The following HHIPL1 variants were observed in gnomAD, a reference collection of about 807,000 sequenced individuals.
HHIPL1 encodes HHIP-like protein 1.
A neutral mutation model predicts 61.8 loss-of-function variants in HHIPL1; 43 were observed. That is an observed-to-expected ratio of 0.70 (90% CI 0.55 to 0.90). The LOEUF (loss-of-function observed/expected upper bound fraction) is 0.90, where lower values mean the gene tolerates loss of function less well. Ranked by LOEUF, HHIPL1 falls within the 40% of genes least tolerant of loss-of-function variation. The pLI is 0.00. For synonymous variants in HHIPL1, 482 were observed against 515.8 expected (o/e 0.93, Z 0.89); for missense variants, 1,056 against 1,157.7 (o/e 0.91, Z 1.28).
In HHIPL1 at chr14:99,676,393, G is replaced by A. The variant is rs1247937879; in HGVS notation, c.*767G>A. ...TGGGACCAGCCTCCTCCAACCCTGA[G>A]GCCTGATTCTCTCTTGCTCTTGGGG... On this transcript the variant is annotated 3_prime_UTR_variant, in exon 9 of 9. Transcript: ENST00000330710. 1 of 152,390 alleles carries A rather than the reference G, an allele frequency of 6.6e-6. No homozygotes were observed. The highest frequency in any genetic ancestry group is 2.4e-5 in the African/African-American group (1 of 41,464). 9.4% of individuals were successfully genotyped at this position (152,390 alleles called of 1,614,324 possible). A position where few individuals can be genotyped will look rare whatever the true frequency, so the allele number is the denominator to read the frequency against.
chr14:99,637,038 AGAAAGAAAGAAG>A, the HHIPL1 span, among the ~76,000 whole-genome samples: 59 of 130,344 alleles, frequency 4.5e-4, 1 homozygote, highest in African/African-American at 9.8e-4. Flanking sequence ...AAAGAAAGAA[AGAAAGAAAGAAG>A]GAAGGAAGGA....
chr14:99,660,700 A>G lies in HHIPL1; in HGVS notation c.1502+294A>G, dbSNP rs1595161009. 6.6e-6 allele frequency among the ~76,000 whole-genome samples: 1 copy of G among 152,316 alleles called. No individual in the cohort carries two copies. The highest frequency in any genetic ancestry group is 1.9e-4 in the East Asian group (1 of 5,184). Reference sequence around the variant, plus strand: ...CGTGGTCTTCCTCTCCCTCCTGAGAACCATGGGCTCTGGGCCTGACAGCAG... The same window carrying G: ...CGTGGTCTTCCTCTCCCTCCTGAGAGCCATGGGCTCTGGGCCTGACAGCAG... On this transcript the variant is annotated intron_variant, in intron 5 of 8. Coordinates refer to ENST00000330710, the MANE Select transcript of HHIPL1 (RefSeq NM_001127258.3). The surrounding 1 kb of genome is among the most constrained non-coding windows in gnomAD (Gnocchi z 4.9).
chr14:99,656,324 C>T (rs1383215284), intron 2 of HHIPL1, among the ~76,000 whole-genome samples: 1 of 152,192 alleles, frequency 6.6e-6, no homozygotes, highest in Non-Finnish European at 1.5e-5. Flanking sequence ...GACTTGAGTT[C>T]TAATCCCAGC....
chr14:99,674,561 T>C (rs574620573), intron 8 of HHIPL1, among the ~76,000 whole-genome samples: 21 of 152,244 alleles, frequency 1.4e-4, no homozygotes, highest in Non-Finnish European at 2.4e-4. Flanking sequence ...TCCCTGTGTG[T>C]ATCCCGTTCC....
At chr14:99,642,313 T>C (rs1033140483), upstream of HHIPL1, among the ~76,000 whole-genome samples, 7 of 152,194 alleles carry the variant, frequency 4.6e-5, no homozygotes, top group Non-Finnish European at 1.0e-4. Context: ...TTTCAAGTTA[T>C]CTGTATTTAC....
chr14:99,637,238 A>AAG, the HHIPL1 span, among the ~76,000 whole-genome samples: 1 of 149,124 alleles, frequency 6.7e-6, no homozygotes, highest in Non-Finnish European at 1.5e-5. Flanking sequence ...GAAAGAAAGA[A>AAG]AGAAAGAAAG....
Position 99,659,678 on chromosome 14 carries a change from C to G in HHIPL1, c.1297C>G (p.Arg433Gly), listed in dbSNP as rs1329660430. 9 of 1,533,900 alleles carry G rather than the reference C, an allele frequency of 5.9e-6. No individual in the cohort carries two copies. The highest frequency in any genetic ancestry group is 7.9e-6 in the Non-Finnish European group (9 of 1,145,334). ...NKFEEVDVVE[R>G]GGNYGWRARE... ...GTTCGAGGAGGTGGACGTGGTGGAG[C>G]GCGGCGGCAACTATGGCTGGCGCGC... Residue 433 changes from arginine (R) to glycine (G), a missense_variant, in exon 4 of 9, where the codon CGC becomes GGC. Transcript: ENST00000330710.
chr14:99,652,814 C>T lies in HHIPL1; in HGVS notation c.846C>T (p.Ile282=). The change falls in exon 2 of 9, where the codon ATC becomes ATT. Residue 282 remains isoleucine, a synonymous_variant. Coordinates refer to ENST00000330710, the MANE Select transcript of HHIPL1 (RefSeq NM_001127258.3). ...VGIRSSEWIR[I]SEFRVSEDDE... is the part of the protein sequence containing the mutation. ...TCCGCAGCAGTGAGTGGATCCGCAT[C>T]AGCGAGTTCAGAGTCTCCGAGGATG... The T allele has an allele frequency of 6.2e-7, 1 of 1,614,156 alleles. No homozygotes were observed. Among genetic ancestry groups the T allele is most frequent in the South Asian group, 1.1e-5 (1 of 91,084 alleles).
chr14:99,614,825 T>G, the HHIPL1 span, among the ~76,000 whole-genome samples: 1 of 152,202 alleles, frequency 6.6e-6, no homozygotes, highest in Non-Finnish European at 1.5e-5. Context: ...GTTCACTTAA[T>G]GCCCTGATTT....
intron 6 of HHIPL1, among the ~76,000 whole-genome samples, chr14:99,666,786 G>C (rs1169922558): frequency 6.6e-6 from 1 of 152,204 alleles, no homozygotes; most frequent in Admixed American, 6.5e-5. Flanking sequence ...ATCACCATGT[G>C]TGCCTACAGC....
chr14:99,633,746 G>A, the HHIPL1 span, among the ~76,000 whole-genome samples: 13 of 152,206 alleles, frequency 8.5e-5, no homozygotes, highest in African/African-American at 2.9e-4. Context: ...GCTGGAGCAG[G>A]AGAGCAGGCA....
At chr14:99,634,972 C>T in the HHIPL1 span, among the ~76,000 whole-genome samples, 348 of 152,310 alleles carry the variant, frequency 2.3e-3, 2 homozygotes, top group Middle Eastern at 0.024. Context: ...CTGTCAGCAA[C>T]GTGAGGTTGG....
At position 99,660,314 on chromosome 14, in the gene HHIPL1, G is replaced by A. The variant is rs756350999; in HGVS notation, c.1410G>A (p.Thr470=). The change falls in exon 5 of 9, where the codon ACG becomes ACA. Residue 470 remains threonine (T), a synonymous_variant. Transcript: ENST00000330710. This position sits in a 1 kb window ranked among gnomAD's most constrained non-coding sequence, Gnocchi z 4.9. The part of the protein sequence containing the change: ...DLLPIFAYPH[T]VGKSVTGGYV... The stretch of plus-strand genomic sequence containing the variant: ...TGCCGATTTTCGCCTACCCGCACAC[G>A]GTTGGCAAGTCGGTCACAGGGGGCT... 10 of 1,613,922 alleles carry A rather than the reference G, an allele frequency of 6.2e-6. No individual in the cohort carries two copies. In the Admixed American group the frequency reaches 1.5e-4, roughly 24 times the overall value.
rs756350999 is a variant in HHIPL1, at chr14:99,660,314, G to T, written c.1410G>T (p.Thr470=). The change falls in exon 5 of 9, where the codon ACG becomes ACT. Residue 470 remains threonine (T), a synonymous_variant. Transcript: ENST00000330710. This position sits in a 1 kb window ranked among gnomAD's most constrained non-coding sequence, Gnocchi z 4.9. ...TGCCGATTTTCGCCTACCCGCACACGGTTGGCAAGTCGGTCACAGGGGGCT... is the reference window on the plus strand; with the variant it reads ...TGCCGATTTTCGCCTACCCGCACACTGTTGGCAAGTCGGTCACAGGGGGCT... The part of the protein sequence containing the change: ...DLLPIFAYPH[T]VGKSVTGGYV... 6.2e-7 allele frequency: 1 copy of T among 1,614,040 alleles called. No homozygotes were observed. Among genetic ancestry groups the T allele is most frequent in the East Asian group, 2.2e-5 (1 of 44,852 alleles).
At chr14:99,611,015 T>A in the HHIPL1 span, among the ~76,000 whole-genome samples, 13 of 152,326 alleles carry the variant, frequency 8.5e-5, no homozygotes, top group African/African-American at 3.1e-4. Context: ...TCCCCCACTT[T>A]AAAAACTAAA....
At chr14:99,636,118 C>T in the HHIPL1 span, among the ~76,000 whole-genome samples, 3 of 152,194 alleles carry the variant, frequency 2.0e-5, no homozygotes, top group African/African-American at 4.8e-5. Context: ...CTGTTGTCAC[C>T]TCTCTGTGCT....
At chr14:99,622,717 A>G in the HHIPL1 span, among the ~76,000 whole-genome samples, 1 of 152,110 alleles carries the variant, frequency 6.6e-6, no homozygotes, top group Non-Finnish European at 1.5e-5. Flanking sequence ...CCCAGGGTGG[A>G]GCCCCTGCAG....
At chr14:99,654,205 A>G (rs188335046) in intron 2 of HHIPL1, among the ~76,000 whole-genome samples, 4,298 of 151,004 alleles carry the variant, frequency 0.028, 208 homozygotes, top group African/African-American at 0.097. Context: ...AAAAAAAAAA[A>G]AAAGAAAAAA....
rs1323608404 is a variant in HHIPL1 at position 99,677,389 on chromosome 14, C to A, written c.*1763C>A. The A allele has an allele frequency of 1.3e-5, 2 of 152,294 alleles. No homozygotes were observed. The highest frequency in any genetic ancestry group is 4.8e-5 in the African/African-American group (2 of 41,438). The allele number at this position is 152,294 out of a possible 1,614,324, so 9.4% of individuals were successfully genotyped here. Reference sequence around the variant, plus strand: ...GGCTGGGAAGCAGCTGATGGAGATCCCTGGGGGCTCCTCTTGCCTGGCAGG... The same window carrying A: ...GGCTGGGAAGCAGCTGATGGAGATCACTGGGGGCTCCTCTTGCCTGGCAGG... On this transcript the variant is annotated 3_prime_UTR_variant, in exon 9 of 9. Transcript: ENST00000330710. The surrounding 1 kb of genome is among the most constrained non-coding windows in gnomAD (Gnocchi z 4.3).
Sources: allele counts gnomAD v4.1 joint callset (sites outside exome capture counted in the v4.1 genomes callset), GRCh38; gene constraint gnomAD v4.1.1; non-coding constraint Gnocchi (gnomAD v3.1); transcripts MANE v1.5; gene names NCBI Gene and HGNC (gene_info 2026-07-23, HGNC 2026-07-21).